RHO: variants seen among roughly 807,000 people sequenced by gnomAD.
RHO encodes opsin 2, rod pigment.
In RHO, 21 loss-of-function variants were observed where a neutral mutation model predicts 31.2. The observed-to-expected ratio is 0.67, with a 90% confidence interval of 0.48 to 0.97. RHO has a LOEUF of 0.97. RHO is among the 50% of genes least tolerant of loss of function. The probability of loss-of-function intolerance (pLI) is 0.00; values close to 1 mark genes in which losing one functional copy is unlikely to be tolerated. For missense variants in RHO, 414 were observed against 479.5 expected (o/e 0.86, Z 1.28); for synonymous variants, 211 against 196.6 (o/e 1.07, Z -0.61).
chr3:129,529,039 C>A lies in RHO; in HGVS notation c.306C>A (p.Tyr102Ter). 6.2e-7 allele frequency: 1 copy of A among 1,613,564 alleles called. No individual in the cohort carries two copies. The highest frequency in any genetic ancestry group is 1.3e-5 in the African/African-American group (1 of 75,034). Reference sequence around the variant, plus strand: ...CCCTCTACACCTCTCTGCATGGATACTTCGTCTTCGGGCCCACAGGATGCA... The same window carrying A: ...CCCTCTACACCTCTCTGCATGGATAATTCGTCTTCGGGCCCACAGGATGCA... ...TSTLYTSLHG[Y>*]FVFGPTGCNL... Residue 102 changes from tyrosine to a stop codon, truncating the protein, a stop_gained, in exon 1 of 5, where the codon TAC becomes TAA. Coordinates refer to ENST00000296271, the MANE Select transcript of RHO (RefSeq NM_000539.3). LOFTEE classifies it high-confidence loss of function.
Position 129,532,313 on chromosome 3 carries a change from T to C in RHO, c.593T>C (p.Val198Ala), listed in dbSNP as rs1374343616. The change falls in exon 3 of 5, where the codon GTC (valine) becomes GCC (alanine). Residue 198 changes from valine to alanine, a missense_variant. Coordinates refer to ENST00000296271, the MANE Select transcript of RHO (RefSeq NM_000539.3). This position sits in a 1 kb window ranked among gnomAD's most constrained non-coding sequence, Gnocchi z 5.5. ...GACTACTACACGCTCAAGCCGGAGG[T>C]CAACAACGAGTCTTTTGTCATCTAC... ...GIDYYTLKPE[V>A]NNESFVIYMF... is the part of the protein sequence containing the mutation. The C allele has an allele frequency of 1.5e-5, 25 of 1,613,676 alleles. No homozygotes were observed. Among genetic ancestry groups the C allele is most frequent in the African/African-American group, 1.1e-4 (8 of 74,802 alleles).
At chr3:129,529,333 T>A (rs1467341001) in intron 1 of RHO, among the ~76,000 whole-genome samples, 4 of 152,262 alleles carry the variant, frequency 2.6e-5, no homozygotes, top group African/African-American at 9.6e-5. Context: ...TATGCGCTTG[T>A]CTAATTTCAC....
intron 1 of RHO, among the ~76,000 whole-genome samples, chr3:129,529,302 C>A (rs2108749417): frequency 6.6e-6 from 1 of 152,372 alleles, no homozygotes; most frequent in South Asian, 2.1e-4. Context: ...CTGAACACTG[C>A]CTTGATCTTA....
In RHO at chr3:129,528,949, C is replaced by T; in HGVS notation, c.216C>T (p.Leu72=). 6.2e-7 allele frequency: 1 copy of T among 1,614,260 alleles called. No individual in the cohort carries two copies. Among genetic ancestry groups the T allele is most frequent in the Middle Eastern group, 1.6e-4 (1 of 6,062 alleles). The change falls in exon 1 of 5, where the codon CTC becomes CTT. Residue 72 remains leucine (L), a synonymous_variant. Transcript: ENST00000296271. ...AGCACAAGAAGCTGCGCACGCCTCT[C>T]AACTACATCCTGCTCAACCTAGCCG... is the stretch of plus-strand genomic sequence containing the variant. ...TVQHKKLRTP[L]NYILLNLAVA... is the part of the protein sequence containing the mutation.
At chr3:129,530,390 A>G (rs1221785801) in intron 1 of RHO, among the ~76,000 whole-genome samples, 1 of 151,890 alleles carries the variant, frequency 6.6e-6, no homozygotes, top group Non-Finnish European at 1.5e-5. Flanking sequence ...TGTCCGGGTT[A>G]TTTCATTTCC....
chr3:129,533,768 A>G lies in RHO; in HGVS notation c.*50A>G. The G allele has an allele frequency of 8.0e-7, 1 of 1,250,186 alleles. No individual in the cohort carries two copies. 77.4% of individuals were successfully genotyped at this position (1,250,186 alleles called of 1,614,324 possible). A position where few individuals can be genotyped will look rare whatever the true frequency, so the allele number is the denominator to read the frequency against. Reference sequence around the variant, plus strand: ...ACTATAGGCGTCTCCCATCCCCTACACCTTCCCCCAGCCACAGCCATCCCA... The same window carrying G: ...ACTATAGGCGTCTCCCATCCCCTACGCCTTCCCCCAGCCACAGCCATCCCA... On this transcript the variant is annotated 3_prime_UTR_variant, in exon 5 of 5. Transcript: ENST00000296271.
rs1291281286 is a variant in RHO at position 129,534,075 on chromosome 3, G to C, written c.*357G>C. ...CTAGCACAGAATGGGGCACACAGTA[G>C]GTGCTTAATAAATGCTGGATGGATG... On this transcript the variant is annotated 3_prime_UTR_variant, in exon 5 of 5. Transcript: ENST00000296271. 2 of 255,140 alleles carry C rather than the reference G, an allele frequency of 7.8e-6. No individual in the cohort carries two copies. The highest frequency in any genetic ancestry group is 4.7e-5 in the South Asian group (1 of 21,164). The allele number at this position is 255,140 out of a possible 1,614,324, so 15.8% of individuals were successfully genotyped here. A position where few individuals can be genotyped will look rare whatever the true frequency, so the allele number is the denominator to read the frequency against.
At chr3:129,529,121 G>A in intron 1 of RHO, 27 bp downstream of exon 1, 1 of 1,602,936 alleles carries the variant, frequency 6.2e-7, no homozygotes, top group Non-Finnish European at 8.5e-7. Flanking sequence ...GGTGGGGTGT[G>A]CAGGAGCCCG....
Position 129,531,058 on chromosome 3 carries a change from G to A in RHO, c.530+14G>A, listed in dbSNP as rs1324015340. On this transcript the variant is annotated intron_variant, in intron 2 of 4. Coordinates refer to ENST00000296271, the MANE Select transcript of RHO (RefSeq NM_000539.3). The stretch of plus-strand genomic sequence containing the variant: ...CGGCTGGTCCAGGTAATGGCACTGA[G>A]CAGAAGGGAAGAAGCTCCGGGGGCT... 1 of 1,612,208 alleles carries A rather than the reference G, an allele frequency of 6.2e-7. No homozygotes were observed. The highest frequency in any genetic ancestry group is 1.3e-5 in the African/African-American group (1 of 74,944).
intron 1 of RHO, among the ~76,000 whole-genome samples, chr3:129,529,465 CCT>C (rs1199960057): frequency 2.2e-4 from 33 of 152,280 alleles, no homozygotes; most frequent in African/African-American, 7.9e-4. Flanking sequence ...CAGCACCAAG[CCT>C]CTGTTTCCCT....
rs374685958 is a variant in RHO at position 129,532,353 on chromosome 3, C to T, written c.633C>T (p.His211=). The T allele has an allele frequency of 1.4e-5, 23 of 1,613,966 alleles. No individual in the cohort carries two copies. The highest frequency in any genetic ancestry group is 1.1e-4 in the East Asian group (5 of 44,878). The change falls in exon 3 of 5, where the codon CAC becomes CAT. Residue 211 remains histidine (H), a synonymous_variant. Coordinates refer to ENST00000296271, the MANE Select transcript of RHO (RefSeq NM_000539.3). The surrounding 1 kb of genome is among the most constrained non-coding windows in gnomAD (Gnocchi z 5.5). The part of the protein sequence containing the change: ...ESFVIYMFVV[H]FTIPMIIIFF... ...TTGTCATCTACATGTTCGTGGTCCA[C>T]TTCACCATCCCCATGATTATCATCT...
In RHO at chr3:129,532,513, C is replaced by A; in HGVS notation, c.697-20C>A. ...TCCCTGGAGGAGCCATGGTCTGGAC[C>A]CGGGTCCCGTGTCCTGCAGGCCGCT... On this transcript the variant is annotated intron_variant, in intron 3 of 4. Coordinates refer to ENST00000296271, the MANE Select transcript of RHO (RefSeq NM_000539.3). The surrounding 1 kb of genome is among the most constrained non-coding windows in gnomAD (Gnocchi z 5.5). 2 of 1,613,936 alleles carry A rather than the reference C, an allele frequency of 1.2e-6. No individual in the cohort carries two copies. Among genetic ancestry groups the A allele is most frequent in the Non-Finnish European group, 8.5e-7 (1 of 1,180,008 alleles).
intron 1 of RHO, among the ~76,000 whole-genome samples, chr3:129,530,026 C>T (rs2108749618): frequency 6.6e-6 from 1 of 152,346 alleles, no homozygotes; most frequent in East Asian, 1.9e-4. Flanking sequence ...CTCTGCCAGC[C>T]TTGCCCTGTC....
chr3:129,530,326 C>T (rs1379898909), intron 1 of RHO, among the ~76,000 whole-genome samples: 1 of 152,120 alleles, frequency 6.6e-6, no homozygotes, highest in Non-Finnish European at 1.5e-5. Context: ...CCTTCTTCTT[C>T]CTCTGGGCAA....
In RHO at chr3:129,532,916, G is replaced by A; in HGVS notation, c.936+144G>A. On this transcript the variant is annotated intron_variant, in intron 4 of 4. Coordinates refer to ENST00000296271, the MANE Select transcript of RHO (RefSeq NM_000539.3). The surrounding 1 kb of genome is among the most constrained non-coding windows in gnomAD (Gnocchi z 5.5). ...GGTCAGCAGTCCCAATGGGGAGTGT[G>A]TGAGAAATGCAGATTCCTGGCCCCA... 1 of 1,123,366 alleles carries A rather than the reference G, an allele frequency of 8.9e-7. No individual in the cohort carries two copies. Among genetic ancestry groups the A allele is most frequent in the Non-Finnish European group, 1.3e-6 (1 of 765,122 alleles). 69.6% of individuals were successfully genotyped at this position (1,123,366 alleles called of 1,614,324 possible). A position where few individuals can be genotyped will look rare whatever the true frequency, so the allele number is the denominator to read the frequency against.
intron 2 of RHO, among the ~76,000 whole-genome samples, chr3:129,531,554 C>A (rs879648140): frequency 1.1e-4 from 16 of 152,178 alleles, no homozygotes; most frequent in Admixed American, 3.3e-4. Context: ...GGCCTCATGT[C>A]CCTCTGTCTC....
intron 1 of RHO, among the ~76,000 whole-genome samples, chr3:129,530,533 A>ACACAACACACAC (rs1553781099): frequency 5.5e-4 from 68 of 122,916 alleles, no homozygotes; most frequent in African/African-American, 2.6e-3. Context: ...ACACACACAC[A>ACACAACACACAC]ACACACACAC....
chr3:129,529,685 C>A (rs2084764513), intron 1 of RHO, among the ~76,000 whole-genome samples: 1 of 152,250 alleles, frequency 6.6e-6, no homozygotes, highest in Non-Finnish European at 1.5e-5. Flanking sequence ...GGTGCCCCTC[C>A]AGCCTCCCTG....
At position 129,528,720 on chromosome 3, in the gene RHO, C is replaced by G; in HGVS notation, c.-14C>G. 6.2e-7 allele frequency: 1 copy of G among 1,614,106 alleles called. No homozygotes were observed. Among genetic ancestry groups the G allele is most frequent in the Non-Finnish European group, 8.5e-7 (1 of 1,180,026 alleles). ...GGTGGGAGCAGCCACGGGTCAGCCA[C>G]AAGGGCCACAGCCATGAATGGCACA... On this transcript the variant is annotated 5_prime_UTR_variant, in exon 1 of 5. Coordinates refer to ENST00000296271, the MANE Select transcript of RHO (RefSeq NM_000539.3).
Sources: gnomAD v4.1 joint callset for allele counts (sites outside exome capture counted in the v4.1 genomes callset) on GRCh38, gnomAD v4.1.1 for gene constraint, Gnocchi (gnomAD v3.1) non-coding constraint, MANE v1.5 for transcripts, NCBI Gene and HGNC (gene_info 2026-07-23, HGNC 2026-07-21) for gene names.